COLEC12: variants seen among roughly 807,000 people sequenced by gnomAD.
The protein encoded by COLEC12 is collectin subfamily member 12.
COLEC12 carries 33 observed loss-of-function variants against 71.1 expected under a neutral mutation model. That is an observed-to-expected ratio of 0.46 (90% CI 0.35 to 0.62). The LOEUF (loss-of-function observed/expected upper bound fraction) is 0.62, where lower values mean the gene tolerates loss of function less well. Among genes scored for constraint, COLEC12 ranks in the 20% least tolerant of loss-of-function variants. The probability of loss-of-function intolerance (pLI) is 0.00; values close to 1 mark genes in which losing one functional copy is unlikely to be tolerated. For missense variants in COLEC12, 765 were observed against 916.1 expected (o/e 0.84, Z 2.13); for synonymous variants, 350 against 353.0 (o/e 0.99, Z 0.10).
rs567240593 is a variant in COLEC12 at position 347,298 on chromosome 18, G to A, written c.324C>T (p.Leu108=). The A allele has an allele frequency of 6.2e-7, 1 of 1,614,062 alleles. No individual in the cohort carries two copies. The highest frequency in any genetic ancestry group is 2.2e-5 in the East Asian group (1 of 44,880). Residue 108 remains leucine, a synonymous_variant, in exon 5 of 10, where the codon CTC becomes CTT. Coordinates refer to ENST00000400256, the MANE Select transcript of COLEC12 (RefSeq NM_130386.3). ...GKKAISTNSE[L]STFRSDILDL... ...CTAGAATGTCTGATCTGAAGGTGGA[G>A]AGTTCTGAGTTGGTGCTGATAGCTT...
Position 480,644 on chromosome 18 carries a change from G to C in COLEC12, c.58+63C>G. ...TGCCAGTGGCCTGCCAATGGTCTCTGAGGGTTCGTGGCTGCATCCCAGGTT... is the reference window on the plus strand; with the variant it reads ...TGCCAGTGGCCTGCCAATGGTCTCTCAGGGTTCGTGGCTGCATCCCAGGTT... On this transcript the variant is annotated intron_variant, in intron 2 of 9. Transcript: ENST00000400256. The surrounding 1 kb of genome is among the most constrained non-coding windows in gnomAD (Gnocchi z 4.1). 7.0e-7 allele frequency: 1 copy of C among 1,436,780 alleles called. No homozygotes were observed. Among genetic ancestry groups the C allele is most frequent in the Middle Eastern group, 1.7e-4 (1 of 5,740 alleles). 89.0% of individuals were successfully genotyped at this position (1,436,780 alleles called of 1,614,324 possible). A position where few individuals can be genotyped will look rare whatever the true frequency, so the allele number is the denominator to read the frequency against.
intron 2 of COLEC12, among the ~76,000 whole-genome samples, chr18:427,567 C>T (rs1354954881): frequency 2.0e-5 from 3 of 149,918 alleles, no homozygotes; most frequent in Non-Finnish European, 4.5e-5. Context: ...AGAGATGCAG[C>T]CCTCTTGAAA....
intron 2 of COLEC12, among the ~76,000 whole-genome samples, chr18:468,605 T>G (rs146266062): frequency 6.6e-6 from 1 of 152,238 alleles, no homozygotes; most frequent in Non-Finnish European, 1.5e-5. Context: ...CTCATTTTTT[T>G]TGGTAAACTT....
intron 1 of COLEC12, among the ~76,000 whole-genome samples, chr18:490,711 A>G (rs1439491568): frequency 6.6e-6 from 1 of 152,246 alleles, no homozygotes; most frequent in Non-Finnish European, 1.5e-5. Flanking sequence ...CCAAAGAGCC[A>G]GAGTGTGGAG....
chr18:364,287 A>C (rs1434565335), intron 2 of COLEC12, among the ~76,000 whole-genome samples: 1 of 152,256 alleles, frequency 6.6e-6, no homozygotes, highest in Non-Finnish European at 1.5e-5. Context: ...CACTCAGAGT[A>C]TGCAGTGTCT....
intron 2 of COLEC12, among the ~76,000 whole-genome samples, chr18:426,907 T>C (rs1374331130): frequency 1.4e-5 from 2 of 143,444 alleles, no homozygotes; most frequent in African/African-American, 4.9e-5. Context: ...CCCTTCTCTC[T>C]GAGGCCATCA....
chr18:421,813 T>C (rs954482125), intron 2 of COLEC12, among the ~76,000 whole-genome samples: 3 of 152,332 alleles, frequency 2.0e-5, no homozygotes, highest in Middle Eastern at 3.4e-3. Context: ...TCAAGCATTT[T>C]AAAATATCTC....
chr18:484,423 T>C (rs1427426588), intron 1 of COLEC12, among the ~76,000 whole-genome samples: 1 of 152,204 alleles, frequency 6.6e-6, no homozygotes, highest in Non-Finnish European at 1.5e-5. Flanking sequence ...GGGATTCTTG[T>C]AACAGCCACT....
chr18:440,986 C>T (rs756823113), intron 2 of COLEC12, among the ~76,000 whole-genome samples: 22 of 152,024 alleles, frequency 1.4e-4, no homozygotes, highest in East Asian at 5.8e-4. Flanking sequence ...TGGTGGCTCA[C>T]GCCTGTAATC....
intron 2 of COLEC12, among the ~76,000 whole-genome samples, chr18:396,415 C>T (rs914993139): frequency 2.0e-5 from 3 of 152,204 alleles, no homozygotes; most frequent in South Asian, 2.1e-4. Context: ...CTAACAACAC[C>T]GAATCTACTA....
At chr18:338,781 G>C (rs755115698) in intron 5 of COLEC12, among the ~76,000 whole-genome samples, 2 of 152,056 alleles carry the variant, frequency 1.3e-5, no homozygotes, top group Non-Finnish European at 2.9e-5. Context: ...TAGTTCTAGG[G>C]AAAAAATACT....
At chr18:407,724 C>T (rs1452296703) in intron 2 of COLEC12, among the ~76,000 whole-genome samples, 3 of 152,156 alleles carry the variant, frequency 2.0e-5, no homozygotes, top group African/African-American at 4.8e-5. Context: ...AATGTGTGAC[C>T]GAATGCCTAG....
chr18:365,616 C>T (rs1914837810), intron 2 of COLEC12, among the ~76,000 whole-genome samples: 1 of 151,926 alleles, frequency 6.6e-6, no homozygotes, highest in Admixed American at 6.6e-5. Context: ...AAGACAGAGG[C>T]AAGGAAGAAG....
chr18:466,000 G>A (rs1404200693), intron 2 of COLEC12, among the ~76,000 whole-genome samples: 2 of 152,134 alleles, frequency 1.3e-5, no homozygotes, highest in Non-Finnish European at 2.9e-5. Flanking sequence ...CCCAGGAGGT[G>A]GAGGTTGCAG....
rs1330940540 is a variant in COLEC12 at position 320,117 on chromosome 18, A to C, written c.2210-53T>G. ...TAGTTTTTCTTAAATAATAAAGTTA[A>C]TGTGCAATTCAAAAAAAGGGAACGT... On this transcript the variant is annotated intron_variant, in intron 9 of 9. Coordinates refer to ENST00000400256, the MANE Select transcript of COLEC12 (RefSeq NM_130386.3). 4 of 1,039,352 alleles carry C rather than the reference A, an allele frequency of 3.8e-6. No homozygotes were observed. In the African/African-American group the frequency reaches 6.4e-5, roughly 17 times the overall value. The allele number at this position is 1,039,352 out of a possible 1,614,324, so 64.4% of individuals were successfully genotyped here. A position where few individuals can be genotyped will look rare whatever the true frequency, so the allele number is the denominator to read the frequency against.
intron 2 of COLEC12, among the ~76,000 whole-genome samples, chr18:438,107 G>T (rs1372663701): frequency 6.6e-6 from 1 of 152,146 alleles, no homozygotes; most frequent in Non-Finnish European, 1.5e-5. Context: ...TAATGTAAAA[G>T]CCATATTCTT....
At chr18:421,228 C>T (rs528910192) in intron 2 of COLEC12, among the ~76,000 whole-genome samples, 199 of 152,230 alleles carry the variant, frequency 1.3e-3, no homozygotes, top group South Asian at 3.9e-3. Flanking sequence ...TGATATAAAC[C>T]AAATATGTTT....
chr18:395,150 G>A (rs545452262), intron 2 of COLEC12, among the ~76,000 whole-genome samples: 4 of 152,306 alleles, frequency 2.6e-5, no homozygotes, highest in South Asian at 2.1e-4. Flanking sequence ...AGCCAAGTGT[G>A]GAAGAATGCA....
intron 5 of COLEC12, among the ~76,000 whole-genome samples, chr18:338,984 A>ATTTTTTTTTT (rs33991062): frequency 6.9e-6 from 1 of 144,484 alleles, no homozygotes; most frequent in African/African-American, 2.6e-5. Context: ...TATTGTCTTA[A>ATTTTTTTTTT]TTTTTTTTTT....
Sources: gnomAD v4.1 joint callset for allele counts (sites outside exome capture counted in the v4.1 genomes callset) on GRCh38, gnomAD v4.1.1 for gene constraint, Gnocchi (gnomAD v3.1) non-coding constraint, MANE v1.5 for transcripts, NCBI Gene and HGNC (gene_info 2026-07-23, HGNC 2026-07-21) for gene names.